The following TYW3 variants were observed in gnomAD, a reference collection of about 807,000 sequenced individuals.
TYW3 encodes tRNA wybutosine-synthesizing protein 3 homolog.
In TYW3, 26 loss-of-function variants were observed where a neutral mutation model predicts 23.1. The ratio of observed to expected loss-of-function variants is 1.13; its 90% CI spans 0.83 to 1.56. The LOEUF is 1.56. Ranked by LOEUF, TYW3 falls within the 40% of genes most tolerant of loss-of-function variation. The pLI is 0.00. For missense variants in TYW3, 316 were observed against 311.9 expected, an observed-to-expected ratio of 1.01 and a Z score of -0.10; for synonymous variants, 102 against 105.7, an observed-to-expected ratio of 0.97 and a Z score of 0.21.
Position 74,733,297 on chromosome 1 carries a change from C to A in TYW3, c.53C>A (p.Ala18Glu), listed in dbSNP as rs1215255881. ...RKWKAQCLSK[A>E]DLSRKGSVDE... ...TGGAAGGCGCAATGTTTGAGCAAAGCGGACCTCAGCCGGAAGGGCAGTGTT... is the reference window on the plus strand; with the variant it reads ...TGGAAGGCGCAATGTTTGAGCAAAGAGGACCTCAGCCGGAAGGGCAGTGTT... The change falls in exon 1 of 6, where the codon GCG becomes GAG. Residue 18 changes from alanine to glutamate, a missense_variant. Coordinates refer to ENST00000370867, the MANE Select transcript of TYW3 (RefSeq NM_138467.3). The A allele has an allele frequency of 8.7e-6, 14 of 1,614,044 alleles. No homozygotes were observed. Among genetic ancestry groups the A allele is most frequent in the Admixed American group, 1.7e-5 (1 of 59,996 alleles).
chr1:74,740,558 A>T (rs2100757390), intron 3 of TYW3, among the ~76,000 whole-genome samples: 1 of 152,324 alleles, frequency 6.6e-6, no homozygotes, highest in Middle Eastern at 3.4e-3. Context: ...TCCATTTTAC[A>T]GAGTGCAGAT....
rs942759209 is a variant in TYW3 at position 74,744,385 on chromosome 1, GA to G, written c.355-4355del. ...AATATTGGGGCCAAGCTGTGATGCA[GA>G]AAAAAAAAAATGAGCCGCCTCTTTT... On this transcript the variant is annotated intron_variant, in intron 3 of 5. Coordinates refer to ENST00000370867, the MANE Select transcript of TYW3 (RefSeq NM_138467.3). Among the ~76,000 whole-genome samples, 31 of 145,848 alleles carry G rather than the reference GA, an allele frequency of 2.1e-4. No individual in the cohort carries two copies. The East Asian group carries it at 2.4e-3, about 11-fold the overall frequency.
At chr1:74,748,946 A>G in intron 4 of TYW3, 124 bp downstream of exon 4, 1 of 889,326 alleles carries the variant, frequency 1.1e-6, no homozygotes, top group Non-Finnish European at 1.8e-6. Flanking sequence ...CTTACTCATA[A>G]ACCCTCAGTG....
intron 2 of TYW3, among the ~76,000 whole-genome samples, chr1:74,736,890 T>C (rs1301032473): frequency 6.6e-6 from 1 of 152,210 alleles, no homozygotes; most frequent in African/African-American, 2.4e-5. Context: ...GGATCCAAAT[T>C]TTGAATTTTA....
chr1:74,737,503 T>G (rs760814579), intron 2 of TYW3, among the ~76,000 whole-genome samples: 3 of 152,216 alleles, frequency 2.0e-5, no homozygotes, highest in Non-Finnish European at 4.4e-5. Flanking sequence ...AAGCAAGCAC[T>G]TGGCACCTCT....
chr1:74,757,106 G>A (rs1648980327), intron 5 of TYW3, among the ~76,000 whole-genome samples: 1 of 152,250 alleles, frequency 6.6e-6, no homozygotes. Context: ...GAAGTTTAGT[G>A]CAGAGGCGGG....
chr1:74,755,673 T>A (rs1376786268), intron 5 of TYW3, among the ~76,000 whole-genome samples: 1 of 152,222 alleles, frequency 6.6e-6, no homozygotes, highest in African/African-American at 2.4e-5. Flanking sequence ...TCAGTTCTGT[T>A]GGATATATAC....
intron 5 of TYW3, among the ~76,000 whole-genome samples, chr1:74,756,662 T>C (rs955301194): frequency 6.6e-6 from 1 of 152,134 alleles, no homozygotes; most frequent in Non-Finnish European, 1.5e-5. Flanking sequence ...GACAATGTGA[T>C]AGAAAAGAAA....
At chr1:74,733,470 G>A (rs1049041147) in intron 1 of TYW3, 52 bp downstream of exon 1, 46 of 1,599,144 alleles carry the variant, frequency 2.9e-5, no homozygotes, top group Non-Finnish European at 3.9e-5. Flanking sequence ...CGAAACTTCA[G>A]GAGCCCTGTT....
At chr1:74,738,576 A>C in intron 2 of TYW3, 114 bp from the exon 3 acceptor site, 1 of 593,182 alleles carries the variant, frequency 1.7e-6, no homozygotes, top group East Asian at 3.1e-5. Flanking sequence ...TGCAGAAAAA[A>C]TATGCTGAGT....
rs1245296242 is a variant in TYW3 at position 74,765,597 on chromosome 1, TG to T, written c.*1485del. 2 of 152,004 alleles carry T rather than the reference TG, an allele frequency of 1.3e-5. No homozygotes were observed. Among genetic ancestry groups the T allele is most frequent in the Non-Finnish European group, 2.9e-5 (2 of 67,998 alleles). 9.4% of individuals were successfully genotyped at this position (152,004 alleles called of 1,614,324 possible). The stretch of plus-strand genomic sequence containing the variant: ...CTGGTGGACAGAATATGAAAGTATC[TG>T]CCTGGCAGTGCAGTAAATGAAAAGA... On this transcript the variant is annotated 3_prime_UTR_variant, in exon 6 of 6. Transcript: ENST00000370867.
intron 5 of TYW3, among the ~76,000 whole-genome samples, chr1:74,755,809 A>G (rs915547619): frequency 1.3e-5 from 2 of 152,226 alleles, no homozygotes; most frequent in Non-Finnish European, 2.9e-5. Flanking sequence ...ATAGATAAAA[A>G]AGAAGAGCAT....
chr1:74,733,451 C>T (rs1337543525), intron 1 of TYW3, 33 bp downstream of exon 1: 7 of 1,610,718 alleles, frequency 4.3e-6, no homozygotes, highest in Admixed American at 1.7e-5. Context: ...CATCGCCTGC[C>T]TTCTAGTGCG....
rs1649271848 is a variant in TYW3, at chr1:74,765,434, G to A, written c.*1321G>A. 6.6e-6 allele frequency: 1 copy of A among 152,128 alleles called. No individual in the cohort carries two copies. The highest frequency in any genetic ancestry group is 1.5e-5 in the Non-Finnish European group (1 of 68,020). The allele number at this position is 152,128 out of a possible 1,614,324, so 9.4% of individuals were successfully genotyped here. On this transcript the variant is annotated 3_prime_UTR_variant, in exon 6 of 6. Transcript: ENST00000370867. ...CCACTTGGGAGGGAACATTCCCCTA[G>A]ATGACAATGTCAGTGGCACTCGAAG...
intron 5 of TYW3, among the ~76,000 whole-genome samples, chr1:74,762,014 T>C (rs1289221995): frequency 2.0e-5 from 3 of 152,154 alleles, no homozygotes; most frequent in East Asian, 3.9e-4. Context: ...CAAAAAGTTA[T>C]GTATGTCACG....
At chr1:74,757,725 G>A (rs1188863641) in intron 5 of TYW3, among the ~76,000 whole-genome samples, 1 of 152,212 alleles carries the variant, frequency 6.6e-6, no homozygotes, top group African/African-American at 2.4e-5. Flanking sequence ...GTTTTGAAAT[G>A]TGAGGACATG....
rs182001364 is a variant in TYW3 at position 74,746,055 on chromosome 1, G to T, written c.355-2696G>T. Among the ~76,000 whole-genome samples the T allele has an allele frequency of 7.5e-3, 1,149 of 152,262 alleles. 7 individuals are homozygous for T. Among genetic ancestry groups the T allele is most frequent in the Non-Finnish European group, 9.9e-3 (675 of 68,018 alleles). ...ATTGGAGGTTAGGGCATCAACATAT[G>T]AATTTTGAAGCCCTGTAGACACAAT... On this transcript the variant is annotated intron_variant, in intron 3 of 5. Transcript: ENST00000370867.
chr1:74,758,298 C>T (rs141280574), intron 5 of TYW3, among the ~76,000 whole-genome samples: 176 of 152,340 alleles, frequency 1.2e-3, no homozygotes, highest in African/African-American at 4.0e-3. Context: ...GCCAACATAT[C>T]CAATAACCAT....
rs1413116851 is a variant in TYW3 at position 74,764,352 on chromosome 1, T to A, written c.*239T>A. ...AATGCTATAGTTATCCCTACTTTTT[T>A]ACCAGTTTCTCCCAGAAGCACCTGC... On this transcript the variant is annotated 3_prime_UTR_variant, in exon 6 of 6. Coordinates refer to ENST00000370867, the MANE Select transcript of TYW3 (RefSeq NM_138467.3). 5 of 353,718 alleles carry A rather than the reference T, an allele frequency of 1.4e-5. No homozygotes were observed. The highest frequency in any genetic ancestry group is 2.0e-5 in the Non-Finnish European group (4 of 197,906). 21.9% of individuals were successfully genotyped at this position (353,718 alleles called of 1,614,324 possible).
Sources: allele counts gnomAD v4.1 joint callset (sites outside exome capture counted in the v4.1 genomes callset), GRCh38; gene constraint gnomAD v4.1.1; transcripts MANE v1.5; gene names NCBI Gene and HGNC (gene_info 2026-07-23, HGNC 2026-07-21).